NUBPL: variants seen among roughly 807,000 people sequenced by gnomAD.
NUBPL encodes the protein iron-sulfur cluster transfer protein NUBPL.
A neutral mutation model predicts 45.7 loss-of-function variants in NUBPL; 31 were observed. The observed-to-expected ratio is 0.68, with a 90% confidence interval of 0.51 to 0.92. NUBPL has a LOEUF of 0.92. Ranked by LOEUF, NUBPL falls within the 40% of genes least tolerant of loss-of-function variation. The pLI is 0.00. For missense variants in NUBPL, 401 were observed against 398.7 expected (o/e 1.01, Z -0.05); for synonymous variants, 144 against 140.9 (o/e 1.02, Z -0.15).
At chr14:31,826,567 G>A in intron 7 of NUBPL, 62 bp from the exon 8 acceptor site, 1 of 1,444,482 alleles carries the variant, frequency 6.9e-7, no homozygotes, top group Non-Finnish European at 9.7e-7. Context: ...GCAACATAAT[G>A]CTGGAAGTAA....
At chr14:31,672,688 C>A (rs2036600088) in intron 4 of NUBPL, among the ~76,000 whole-genome samples, 1 of 152,122 alleles carries the variant, frequency 6.6e-6, no homozygotes, top group Admixed American at 6.5e-5. Context: ...GTCTAGAACT[C>A]CTGACCTCAA....
At chr14:31,657,383 A>G (rs546870858) in intron 4 of NUBPL, among the ~76,000 whole-genome samples, 17 of 152,228 alleles carry the variant, frequency 1.1e-4, no homozygotes, top group Non-Finnish European at 2.4e-4. Context: ...TGTTTATTGA[A>G]AAGAGTTTGC....
intron 7 of NUBPL, among the ~76,000 whole-genome samples, chr14:31,806,386 T>C (rs1028861949): frequency 6.6e-6 from 1 of 152,076 alleles, no homozygotes; most frequent in African/African-American, 2.4e-5. Flanking sequence ...GCTGCAGTCA[T>C]GAGCAAGCTG....
chr14:31,629,018 C>T (rs1266275789), intron 4 of NUBPL, among the ~76,000 whole-genome samples: 2 of 152,232 alleles, frequency 1.3e-5, no homozygotes, highest in African/African-American at 2.4e-5. Flanking sequence ...GTGGAAATGT[C>T]AGCCCAGTGA....
chr14:31,746,684 G>T (rs576791682), intron 6 of NUBPL, among the ~76,000 whole-genome samples: 1 of 151,958 alleles, frequency 6.6e-6, no homozygotes, highest in East Asian at 1.9e-4. Flanking sequence ...TATCAGAGTA[G>T]TGCTGATACC....
At chr14:31,841,049 TG>T (rs2040362948) in intron 8 of NUBPL, among the ~76,000 whole-genome samples, 1 of 152,248 alleles carries the variant, frequency 6.6e-6, no homozygotes, top group Non-Finnish European at 1.5e-5. Flanking sequence ...GTCATTGCTC[TG>T]TAGCATTCCA....
At chr14:31,681,821 A>G (rs139735508) in intron 6 of NUBPL, among the ~76,000 whole-genome samples, 2 of 152,212 alleles carry the variant, frequency 1.3e-5, no homozygotes, top group Non-Finnish European at 2.9e-5. Context: ...ATATCTGAAC[A>G]TTGGAAGATC....
chr14:31,701,197 A>C (rs2037329611), intron 6 of NUBPL, among the ~76,000 whole-genome samples: 1 of 151,712 alleles, frequency 6.6e-6, no homozygotes, highest in Non-Finnish European at 1.5e-5. Flanking sequence ...ACCAGTCAGC[A>C]CTCTGTGTCT....
chr14:31,835,907 C>T (rs1327903705), intron 8 of NUBPL, among the ~76,000 whole-genome samples: 1 of 152,142 alleles, frequency 6.6e-6, no homozygotes, highest in Non-Finnish European at 1.5e-5. Context: ...ATTTTTCCTC[C>T]TCACTTTTTC....
At chr14:31,806,869 G>C (rs945815240) in intron 7 of NUBPL, among the ~76,000 whole-genome samples, 5 of 152,210 alleles carry the variant, frequency 3.3e-5, no homozygotes, top group Admixed American at 2.6e-4. Context: ...AGAACATGCA[G>C]TGTTTGGTTT....
At chr14:31,666,107 C>T (rs899687570) in intron 4 of NUBPL, among the ~76,000 whole-genome samples, 2 of 149,486 alleles carry the variant, frequency 1.3e-5, no homozygotes, top group African/African-American at 4.9e-5. Flanking sequence ...TTATTTTGAG[C>T]CTATGTGTGT....
At chr14:31,595,331 T>A (rs1251548541) in intron 3 of NUBPL, among the ~76,000 whole-genome samples, 1 of 152,198 alleles carries the variant, frequency 6.6e-6, no homozygotes, top group Non-Finnish European at 1.5e-5. Context: ...AGAAAAAGAG[T>A]ATATTGTTAG....
At chr14:31,720,144 C>T (rs371397816) in intron 6 of NUBPL, among the ~76,000 whole-genome samples, 1 of 152,070 alleles carries the variant, frequency 6.6e-6, no homozygotes, top group African/African-American at 2.4e-5. Flanking sequence ...ATTCTCATCG[C>T]CCACTTCTCA....
chr14:31,763,930 A>G (rs1373940636), intron 6 of NUBPL, among the ~76,000 whole-genome samples: 1 of 152,208 alleles, frequency 6.6e-6, no homozygotes, highest in African/African-American at 2.4e-5. Context: ...TGATATTTGA[A>G]ATAAAAATGA....
At chr14:31,723,804 A>T (rs564268660) in intron 6 of NUBPL, among the ~76,000 whole-genome samples, 1 of 152,100 alleles carries the variant, frequency 6.6e-6, no homozygotes, top group African/African-American at 2.4e-5. Context: ...TGTATCCTGA[A>T]ATGTTGCTGA....
intron 4 of NUBPL, among the ~76,000 whole-genome samples, chr14:31,649,496 A>G (rs2035943192): frequency 6.6e-6 from 1 of 152,250 alleles, no homozygotes; most frequent in Admixed American, 6.5e-5. Context: ...GTAAAATTAT[A>G]AATGATATAC....
intron 3 of NUBPL, among the ~76,000 whole-genome samples, chr14:31,588,597 AT>A (rs71427207): frequency 7.3e-5 from 11 of 151,266 alleles, no homozygotes; most frequent in African/African-American, 2.2e-4. Context: ...TAATATGTTA[AT>A]TTTTTTTTTT....
In NUBPL at chr14:31,653,755, G is replaced by C. The variant is rs556714485; in HGVS notation, c.383-19600G>C. On this transcript the variant is annotated intron_variant, in intron 4 of 10. Transcript: ENST00000281081. ...GTAAGACAGGCATAAGAAATTATAA[G>C]AGCATTATTTGGGAACTGATAAATG... Among the ~76,000 whole-genome samples, 33 of 152,274 alleles carry C rather than the reference G, an allele frequency of 2.2e-4. 1 individual carries two copies. In the East Asian group the frequency reaches 2.9e-3, roughly 13 times the overall value.
intron 4 of NUBPL, among the ~76,000 whole-genome samples, chr14:31,624,411 A>T (rs1284887869): frequency 6.6e-6 from 1 of 152,124 alleles, no homozygotes; most frequent in Non-Finnish European, 1.5e-5. Flanking sequence ...ATGTGTTTGG[A>T]ATTAAGGAGA....
Sources: allele counts gnomAD v4.1 joint callset (sites outside exome capture counted in the v4.1 genomes callset), GRCh38; gene constraint gnomAD v4.1.1; transcripts MANE v1.5; gene names NCBI Gene and HGNC (gene_info 2026-07-23, HGNC 2026-07-21).